TRDN: variants seen among roughly 807,000 people sequenced by gnomAD.
TRDN encodes triadin, also known as triadin in skeletal muscle.
TRDN carries 161 observed loss-of-function variants against 149.7 expected under a neutral mutation model. The observed-to-expected ratio is 1.08, with a 90% CI of 0.95 to 1.23. The LOEUF is 1.23. Among genes scored for constraint, TRDN ranks in the 50% most tolerant of loss-of-function variants. The pLI is 0.00. For synonymous variants in TRDN, 294 were observed against 250.5 expected (o/e 1.17, Z -1.64); for missense variants, 896 against 823.5 (o/e 1.09, Z -1.08).
intron 11 of TRDN, 78 bp downstream of exon 11, chr6:123,438,866 G>C: frequency 8.5e-7 from 1 of 1,177,280 alleles, no homozygotes; most frequent in Non-Finnish European, 1.2e-6. Flanking sequence ...TTCTTTCCTA[G>C]AAAATAATAG....
intron 2 of TRDN, among the ~76,000 whole-genome samples, chr6:123,566,580 A>T (rs1782309575): frequency 6.6e-6 from 1 of 152,222 alleles, no homozygotes; most frequent in Non-Finnish European, 1.5e-5. Context: ...AAACTTCCAG[A>T]GAGTAACTGA....
chr6:123,334,172 G>A (rs1022974681), intron 22 of TRDN, among the ~76,000 whole-genome samples: 10 of 151,976 alleles, frequency 6.6e-5, no homozygotes, highest in African/African-American at 2.4e-4. Flanking sequence ...AAATGGCCAA[G>A]AAAAACATGT....
chr6:123,478,528 G>A (rs1225972309), intron 9 of TRDN, among the ~76,000 whole-genome samples: 1 of 152,162 alleles, frequency 6.6e-6, no homozygotes, highest in Non-Finnish European at 1.5e-5. Context: ...AAGGAAAATG[G>A]GAGATGGTGA....
intron 9 of TRDN, among the ~76,000 whole-genome samples, chr6:123,487,740 C>A (rs1778035629): frequency 6.6e-6 from 1 of 152,068 alleles, no homozygotes; most frequent in Non-Finnish European, 1.5e-5. Flanking sequence ...GTCTTATAAA[C>A]ACATCAATTT....
At chr6:123,574,901 T>C (rs1314299265) in intron 1 of TRDN, among the ~76,000 whole-genome samples, 1 of 132,928 alleles carries the variant, frequency 7.5e-6, no homozygotes, top group East Asian at 2.3e-4. Context: ...TATACACACA[T>C]TTTCCTTTCT....
At position 123,255,849 on chromosome 6, in the gene TRDN, AT is replaced by A. The variant is rs1242768296; in HGVS notation, c.1906+17del. On this transcript the variant is annotated intron_variant, in intron 36 of 40. Transcript: ENST00000334268. ...TTCAGGGCTTTGCATTCTATTTTTTATTCTTTTAAAAAATTACCTTTTTCTT... is the reference window on the plus strand; with the variant it reads ...TTCAGGGCTTTGCATTCTATTTTTTATCTTTTAAAAAATTACCTTTTTCTT... The A allele has an allele frequency of 7.5e-7, 1 of 1,330,292 alleles. No homozygotes were observed. The highest frequency in any genetic ancestry group is 3.1e-5 in the East Asian group (1 of 32,690). 82.4% of individuals were successfully genotyped at this position (1,330,292 alleles called of 1,614,324 possible). A position where few individuals can be genotyped will look rare whatever the true frequency, so the allele number is the denominator to read the frequency against.
At chr6:123,346,500 T>C (rs563859661) in intron 21 of TRDN, among the ~76,000 whole-genome samples, 29 of 152,056 alleles carry the variant, frequency 1.9e-4, no homozygotes, top group African/African-American at 6.7e-4. Flanking sequence ...AGAAAGAAAA[T>C]TGAGGTCCAA....
At chr6:123,387,140 AG>A (rs1162037888) in intron 14 of TRDN, among the ~76,000 whole-genome samples, 2 of 152,150 alleles carry the variant, frequency 1.3e-5, no homozygotes, top group Non-Finnish European at 2.9e-5. Context: ...TATTTTGGAA[AG>A]AGGTAATATT....
intron 7 of TRDN, among the ~76,000 whole-genome samples, chr6:123,510,856 C>T (rs1388690148): frequency 1.3e-5 from 2 of 152,122 alleles, no homozygotes; most frequent in East Asian, 3.9e-4. Context: ...GTTGTCCAGG[C>T]TGGTTTTGAA....
intron 37 of TRDN, among the ~76,000 whole-genome samples, chr6:123,253,366 T>C (rs1776444899): frequency 1.3e-5 from 2 of 152,216 alleles, no homozygotes; most frequent in East Asian, 3.9e-4. Context: ...ATTTTGAGAT[T>C]TGTAGAGTTT....
intron 12 of TRDN, among the ~76,000 whole-genome samples, chr6:123,394,230 T>G (rs1211042916): frequency 6.6e-6 from 1 of 152,124 alleles, no homozygotes; most frequent in Non-Finnish European, 1.5e-5. Flanking sequence ...GAATCTTTCT[T>G]CCCTCTTGTT....
chr6:123,383,922 C>T (rs1715063533), intron 14 of TRDN, among the ~76,000 whole-genome samples: 1 of 152,068 alleles, frequency 6.6e-6, no homozygotes. Flanking sequence ...GCTTAGTCAT[C>T]ATTTGTTAAA....
intron 21 of TRDN, chr6:123,350,697 A>G: frequency 1.2e-6 from 1 of 820,084 alleles, no homozygotes; most frequent in Non-Finnish European, 1.5e-6. Context: ...ATATCCAAAT[A>G]TATTATTTCC....
At chr6:123,422,586 C>A (rs2114546469) in intron 12 of TRDN, among the ~76,000 whole-genome samples, 1 of 152,174 alleles carries the variant, frequency 6.6e-6, no homozygotes, top group South Asian at 2.1e-4. Flanking sequence ...CTAATTTGGA[C>A]TAAATTAATC....
intron 14 of TRDN, among the ~76,000 whole-genome samples, chr6:123,382,698 T>C (rs1781765404): frequency 6.6e-6 from 1 of 152,030 alleles, no homozygotes; most frequent in Non-Finnish European, 1.5e-5. Flanking sequence ...TACTGATGAA[T>C]ACATCACTAT....
intron 8 of TRDN, among the ~76,000 whole-genome samples, chr6:123,501,085 T>G (rs1230326527): frequency 1.3e-5 from 2 of 152,028 alleles, no homozygotes; most frequent in East Asian, 3.9e-4. Flanking sequence ...TGTGTGTGTG[T>G]GTGTGTTTAT....
Position 123,388,416 on chromosome 6 carries a change from C to T in TRDN, c.1135+106G>A, listed in dbSNP as rs1007795746. 62 of 1,264,342 alleles carry T rather than the reference C, an allele frequency of 4.9e-5. No homozygotes were observed. In the Admixed American group the frequency reaches 1.1e-3, roughly 23 times the overall value. The allele number at this position is 1,264,342 out of a possible 1,614,324, so 78.3% of individuals were successfully genotyped here. A position where few individuals can be genotyped will look rare whatever the true frequency, so the allele number is the denominator to read the frequency against. On this transcript the variant is annotated intron_variant, in intron 14 of 40. Coordinates refer to ENST00000334268, the MANE Select transcript of TRDN (RefSeq NM_006073.4). The stretch of plus-strand genomic sequence containing the variant: ...TGCAAAATGTATGCACATAATAGAT[C>T]CAGTTATCCAAGGGGAATATAGACA...
intron 1 of TRDN, among the ~76,000 whole-genome samples, chr6:123,575,274 C>CACATTAAGTTGT (rs1221956683): frequency 6.6e-6 from 1 of 151,854 alleles, no homozygotes; most frequent in Non-Finnish European, 1.5e-5. Flanking sequence ...TGTTATGAAA[C>CACATTAAGTTGT]ACATTAAGTT....
intron 4 of TRDN, among the ~76,000 whole-genome samples, chr6:123,544,415 C>T (rs775362775): frequency 1.9e-4 from 29 of 152,078 alleles, no homozygotes; most frequent in Non-Finnish European, 3.5e-4. Context: ...ATAAACCGGG[C>T]ATGCTCTCAA....
Sources: gnomAD v4.1 joint callset for allele counts (sites outside exome capture counted in the v4.1 genomes callset) on GRCh38, gnomAD v4.1.1 for gene constraint, MANE v1.5 for transcripts, NCBI Gene and HGNC (gene_info 2026-07-23, HGNC 2026-07-21) for gene names.